Variants in ZNF177 observed in about 807,000 individuals in gnomAD.
ZNF177 encodes the protein zinc finger protein 177.
A neutral mutation model predicts 19.4 loss-of-function variants in ZNF177; 17 were observed. The ratio of observed to expected loss-of-function variants is 0.87; its 90% CI spans 0.60 to 1.31. The LOEUF is 1.31. ZNF177 is among the 40% of genes most tolerant of loss of function. ZNF177 has a pLI of 0.00. For missense variants in ZNF177, 633 were observed against 561.8 expected (o/e 1.13, Z -1.28); for synonymous variants, 220 against 188.7 (o/e 1.17, Z -1.36).
Position 9,378,248 on chromosome 19 carries a change from T to C in ZNF177, c.-53-11T>C. On this transcript the variant is annotated splice_polypyrimidine_tract_variant and intron_variant, in intron 1 of 5. Transcript: ENST00000589262. ...GGCCTAGACTCTAATGGCTTCTGTG[T>C]TCTCCTCTAGCTCTGCCTGCTTAGG... The C allele has an allele frequency of 6.2e-7, 1 of 1,605,320 alleles. No homozygotes were observed. Among genetic ancestry groups the C allele is most frequent in the African/African-American group, 1.3e-5 (1 of 74,656 alleles).
At chr19:9,379,815 A>T in intron 4 of ZNF177, 196 bp downstream of exon 6, 1 of 559,466 alleles carries the variant, frequency 1.8e-6, no homozygotes, top group Non-Finnish European at 2.5e-6. Context: ...TAATGTCTCC[A>T]TGAATGCTTT....
chr19:9,365,914 T>A (rs139328110), intron 2 of ZNF177, among the ~76,000 whole-genome samples: 10 of 152,280 alleles, frequency 6.6e-5, no homozygotes, highest in Admixed American at 3.3e-4. Context: ...TCTGAGGACC[T>A]GAGGTCATAG....
intron 2 of ZNF177, among the ~76,000 whole-genome samples, chr19:9,370,002 C>T (rs1034576324): frequency 2.0e-5 from 3 of 152,068 alleles, no homozygotes; most frequent in Admixed American, 1.3e-4. Flanking sequence ...TTTGTTCATT[C>T]TACTTAACAT....
At chr19:9,370,487 C>T (rs1336122737) in intron 2 of ZNF177, among the ~76,000 whole-genome samples, 1 of 151,248 alleles carries the variant, frequency 6.6e-6, no homozygotes, top group African/African-American at 2.4e-5. Context: ...GATCATAGCT[C>T]ACTGCAGCCT....
At chr19:9,381,467 A>G (rs148777038) in exon 6 of ZNF177, 2 of 1,611,138 alleles carry the variant, frequency 1.2e-6, no homozygotes, top group Non-Finnish European at 1.7e-6. Flanking sequence ...GCCTTCATCG[A>G]TCAGTCATCC....
chr19:9,380,872 T>C (rs1303482708), exon 6 of ZNF177: 2 of 1,535,988 alleles, frequency 1.3e-6, no homozygotes, highest in South Asian at 2.4e-5. Context: ...ATTTACTGAT[T>C]GTAGAAAAGC....
chr19:9,364,575 T>C (rs1466639146), intron 1 of ZNF177, among the ~76,000 whole-genome samples: 2 of 152,118 alleles, frequency 1.3e-5, no homozygotes, highest in Non-Finnish European at 2.9e-5. Flanking sequence ...TAAGGAAAAC[T>C]AGTGTGCATG....
intron 1 of ZNF177, among the ~76,000 whole-genome samples, chr19:9,376,936 T>A (rs540212671): frequency 7.9e-5 from 12 of 152,294 alleles, no homozygotes; most frequent in Middle Eastern, 3.4e-3. Context: ...AATTTACTAT[T>A]TCCTATAAAT....
chr19:9,381,013 G>T lies in ZNF177; in HGVS notation c.682G>T (p.Gly228Ter). 6.3e-7 allele frequency: 1 copy of T among 1,584,790 alleles called. No homozygotes were observed. The highest frequency in any genetic ancestry group is 1.1e-5 in the South Asian group (1 of 89,394). ...CTCAGTACGTGAGCAAATACCTACT[G>T]GAGAGAAAGGTGATGAATGCAGTGA... The change falls in exon 6 of 6, where the codon GGA becomes TGA. Residue 228 changes from glycine (G) to a stop codon, truncating the protein, a stop_gained. Coordinates refer to ENST00000589262, the Ensembl canonical transcript of ZNF177. LOFTEE classifies it low-confidence loss of function (END_TRUNC).
At chr19:9,380,509 C>G in intron 5 of ZNF177, 159 bp from the exon 8 acceptor site, 1 of 1,442,782 alleles carries the variant, frequency 6.9e-7, no homozygotes, top group Non-Finnish European at 9.3e-7. Flanking sequence ...CTCGAAAAAG[C>G]TAATAGGGCA....
chr19:9,379,430 A>AAT, intron 3 of ZNF177, 97 bp from the exon 6 acceptor site: 4 of 1,437,304 alleles, frequency 2.8e-6, no homozygotes, highest in Non-Finnish European at 3.7e-6. Flanking sequence ...TGACTATTTT[A>AAT]ATAATCCTTT....
chr19:9,370,628 C>A (rs1332870135), intron 2 of ZNF177, among the ~76,000 whole-genome samples: 1 of 151,992 alleles, frequency 6.6e-6, no homozygotes, highest in African/African-American at 2.4e-5. Flanking sequence ...TGCTTTATTG[C>A]CCAGGCTAGT....
intron 1 of ZNF177, among the ~76,000 whole-genome samples, chr19:9,363,924 A>C (rs1285534815): frequency 2.0e-5 from 3 of 152,220 alleles, no homozygotes; most frequent in African/African-American, 7.2e-5. Context: ...GAAAGCTTTC[A>C]GCTTGTCACT....
exon 6 of ZNF177, chr19:9,381,956 T>C: frequency 1.1e-6 from 1 of 935,618 alleles, no homozygotes; most frequent in Non-Finnish European, 1.5e-6. Context: ...TCAGTGAGTA[T>C]TTCATTCTTA....
At chr19:9,374,265 T>A (rs749205523), upstream of ZNF177, among the ~76,000 whole-genome samples, 121 of 152,322 alleles carry the variant, frequency 7.9e-4, no homozygotes, top group Middle Eastern at 3.4e-3. Flanking sequence ...TCTCCGTTTT[T>A]ATGCCAGTAC....
upstream of ZNF177, among the ~76,000 whole-genome samples, chr19:9,373,288 CTTT>C (rs2068070450): frequency 6.6e-6 from 1 of 152,242 alleles, no homozygotes; most frequent in East Asian, 1.9e-4. Context: ...AGGTTTCCTT[CTTT>C]TTTAAGACTG....
exon 6 of ZNF177, chr19:9,381,698 A>G: frequency 1.2e-6 from 2 of 1,614,182 alleles, no homozygotes; most frequent in Non-Finnish European, 1.7e-6. Flanking sequence ...AAATGTATTC[A>G]GTGTGAAAAA....
rs1173152342 is a variant in ZNF177, at chr19:9,380,154, GA to G, written c.336+17del. 13 of 1,596,452 alleles carry G rather than the reference GA, an allele frequency of 8.1e-6. No homozygotes were observed. The African/African-American group carries it at 1.5e-4, about 18-fold the overall frequency. ...GCATAAACACGGTAAGACTTACTAG[GA>G]AGTATTCCTGGTCTTTGTAGTAGAA... is the stretch of plus-strand genomic sequence containing the variant. On this transcript the variant is annotated intron_variant, in intron 5 of 5. Transcript: ENST00000589262.
chr19:9,379,774 C>T (rs769988088), intron 4 of ZNF177, 155 bp downstream of exon 6: 366 of 971,156 alleles, frequency 3.8e-4, no homozygotes, highest in Non-Finnish European at 4.8e-4. Flanking sequence ...ATTTGGTCTC[C>T]GAGAAAGAAG....
Sources: allele counts gnomAD v4.1 joint callset (sites outside exome capture counted in the v4.1 genomes callset), GRCh38; gene constraint gnomAD v4.1.1; transcripts MANE v1.5; gene names NCBI Gene and HGNC (gene_info 2026-07-23, HGNC 2026-07-21).